Variants in CDKAL1 observed in about 807,000 individuals in gnomAD.
The protein encoded by CDKAL1 is CDKAL1 threonylcarbamoyladenosine tRNA methylthiotransferase, also known as threonylcarbamoyladenosine tRNA methylthiotransferase.
Under a neutral mutation model 68.2 loss-of-function variants are expected in CDKAL1, and 32 were observed. The ratio of observed to expected loss-of-function variants is 0.47; its 90% CI spans 0.35 to 0.63. CDKAL1 has a LOEUF of 0.63. CDKAL1 is among the 30% of genes least tolerant of loss of function. The pLI is 0.00. For missense variants in CDKAL1, 606 were observed against 696.7 expected (o/e 0.87, Z 1.47); for synonymous variants, 234 against 244.3 (o/e 0.96, Z 0.39).
At chr6:21,011,878 A>G (rs1414000874) in intron 11 of CDKAL1, among the ~76,000 whole-genome samples, 1 of 152,222 alleles carries the variant, frequency 6.6e-6, no homozygotes, top group Non-Finnish European at 1.5e-5. Context: ...GTTTGCATGC[A>G]TATATATTTA....
At chr6:21,112,224 G>GT (rs1289138872) in intron 13 of CDKAL1, among the ~76,000 whole-genome samples, 1 of 152,146 alleles carries the variant, frequency 6.6e-6, no homozygotes, top group African/African-American at 2.4e-5. Context: ...TTCTTTCTCT[G>GT]TTTTTTGTTA....
chr6:20,681,267 T>C (rs1438970243), intron 5 of CDKAL1, among the ~76,000 whole-genome samples: 1 of 152,196 alleles, frequency 6.6e-6, no homozygotes, highest in Admixed American at 6.5e-5. Context: ...GTCTAAAATG[T>C]TTCTAGGCAG....
chr6:20,917,415 T>C (rs1157205912), intron 9 of CDKAL1, among the ~76,000 whole-genome samples: 1 of 152,216 alleles, frequency 6.6e-6, no homozygotes, highest in Non-Finnish European at 1.5e-5. Context: ...TGCTTAGTGA[T>C]AGCCTTTTTG....
intron 8 of CDKAL1, among the ~76,000 whole-genome samples, chr6:20,788,301 A>G (rs1775758041): frequency 6.6e-6 from 1 of 152,230 alleles, no homozygotes; most frequent in Non-Finnish European, 1.5e-5. Flanking sequence ...TATTCTTTCA[A>G]AAGTAAATGT....
intron 5 of CDKAL1, among the ~76,000 whole-genome samples, chr6:20,666,974 A>G (rs1026090376): frequency 2.0e-5 from 3 of 150,098 alleles, no homozygotes; most frequent in Non-Finnish European, 4.4e-5. Context: ...TTACTATAAT[A>G]GATTTGGAAC....
At chr6:20,669,692 T>C (rs552735971) in intron 5 of CDKAL1, among the ~76,000 whole-genome samples, 2 of 152,308 alleles carry the variant, frequency 1.3e-5, no homozygotes, top group African/African-American at 4.8e-5. Context: ...AATATGCTTC[T>C]GTTTTGAGCA....
At chr6:21,050,572 T>C (rs1028629997) in intron 11 of CDKAL1, among the ~76,000 whole-genome samples, 1 of 152,228 alleles carries the variant, frequency 6.6e-6, no homozygotes. Context: ...GGGCCTTTTA[T>C]GGACTCAGAA....
chr6:21,191,931 A>G (rs1289296880), intron 13 of CDKAL1, among the ~76,000 whole-genome samples: 1 of 134,450 alleles, frequency 7.4e-6, no homozygotes, highest in Non-Finnish European at 1.5e-5. Flanking sequence ...CCTTCACTTT[A>G]GTGACCGAGT....
chr6:20,846,215 C>T lies in CDKAL1; in HGVS notation c.742+37C>T, dbSNP rs767380491. ...TAGAATTATATGTGAAATTAGTCTT[C>T]TTAATAAATTATGTTAGCCTTCTAA... On this transcript the variant is annotated intron_variant, in intron 9 of 15. Coordinates refer to ENST00000274695, the MANE Select transcript of CDKAL1 (RefSeq NM_017774.3). 3 of 1,292,426 alleles carry T rather than the reference C, an allele frequency of 2.3e-6. No homozygotes were observed. In the South Asian group the frequency reaches 3.7e-5, roughly 16 times the overall value. 80.1% of individuals were successfully genotyped at this position (1,292,426 alleles called of 1,614,324 possible).
intron 13 of CDKAL1, among the ~76,000 whole-genome samples, chr6:21,159,101 C>CT (rs10645059): frequency 0.13 from 17,535 of 135,734 alleles, 1,491 homozygotes; most frequent in East Asian, 0.27. Context: ...CTGAAACCTC[C>CT]TTTTTTTTTT....
chr6:21,108,323 A>C, intron 12 of CDKAL1, 78 bp from the exon 13 acceptor site: 1 of 858,128 alleles, frequency 1.2e-6, no homozygotes, highest in Non-Finnish European at 1.9e-6. Context: ...AGATATATAC[A>C]CACATGTATA....
intron 13 of CDKAL1, among the ~76,000 whole-genome samples, chr6:21,182,678 T>A (rs1777836892): frequency 6.6e-6 from 1 of 152,232 alleles, no homozygotes; most frequent in Non-Finnish European, 1.5e-5. Context: ...CTGGCAGCTC[T>A]CTTAAAAATA....
At chr6:21,171,943 CA>C (rs1162020847) in intron 13 of CDKAL1, among the ~76,000 whole-genome samples, 1 of 152,088 alleles carries the variant, frequency 6.6e-6, no homozygotes, top group African/African-American at 2.4e-5. Context: ...CATCGATGTT[CA>C]GAAGTAAGAT....
intron 13 of CDKAL1, among the ~76,000 whole-genome samples, chr6:21,172,803 A>G (rs1777439577): frequency 6.6e-6 from 1 of 152,188 alleles, no homozygotes; most frequent in Non-Finnish European, 1.5e-5. Flanking sequence ...AGAGTTTTTT[A>G]GCAGGAAATT....
intron 15 of CDKAL1, among the ~76,000 whole-genome samples, chr6:21,224,211 TTAAGA>T (rs1779644288): frequency 6.6e-6 from 1 of 152,174 alleles, no homozygotes; most frequent in African/African-American, 2.4e-5. Context: ...GCAGATGTGA[TTAAGA>T]TAAGGATCTT....
chr6:20,591,375 A>G (rs1464090764), intron 4 of CDKAL1, among the ~76,000 whole-genome samples: 3 of 151,926 alleles, frequency 2.0e-5, no homozygotes, highest in African/African-American at 7.3e-5. Context: ...CCATTTGTCT[A>G]TTTTGGCTTT....
At chr6:21,095,233 T>G (rs142899684) in intron 12 of CDKAL1, among the ~76,000 whole-genome samples, 1 of 152,084 alleles carries the variant, frequency 6.6e-6, no homozygotes, top group Non-Finnish European at 1.5e-5. Context: ...GTGCAGGGCC[T>G]CTCTAAGAAT....
chr6:20,760,953 C>G (rs1774434181), intron 7 of CDKAL1, among the ~76,000 whole-genome samples: 1 of 151,968 alleles, frequency 6.6e-6, no homozygotes, highest in African/African-American at 2.4e-5. Context: ...AAGACACTGT[C>G]AAGAGGATGG....
In CDKAL1 at chr6:20,646,048, ATTTTTTT is replaced by A. The variant is rs1171622769; in HGVS notation, c.287-3227_287-3221del. On this transcript the variant is annotated intron_variant, in intron 4 of 15. Coordinates refer to ENST00000274695, the MANE Select transcript of CDKAL1 (RefSeq NM_017774.3). ...CTTTCTGAGGCTATTTCACGGTTAA[ATTTTTTT>A]TTTTTTTTTTTTTTTTTGTGAGACA... Among the ~76,000 whole-genome samples the A allele has an allele frequency of 2.5e-3, 218 of 87,418 alleles. 5 individuals carry two copies. The highest frequency in any genetic ancestry group is 0.021 in the Admixed American group (121 of 5,726). 57.3% of individuals were successfully genotyped at this position (87,418 alleles called of 152,430 possible). A position where few individuals can be genotyped will look rare whatever the true frequency, so the allele number is the denominator to read the frequency against.
Sources: gnomAD v4.1 joint callset for allele counts (sites outside exome capture counted in the v4.1 genomes callset) on GRCh38, gnomAD v4.1.1 for gene constraint, MANE v1.5 for transcripts, NCBI Gene and HGNC (gene_info 2026-07-23, HGNC 2026-07-21) for gene names.